The following KCTD1 variants were observed in gnomAD, a reference collection of about 807,000 sequenced individuals.
The protein encoded by KCTD1 is potassium channel tetramerization domain containing 1.
In KCTD1, 24 loss-of-function variants were observed where a neutral mutation model predicts 66.0. The ratio of observed to expected loss-of-function variants is 0.36; its 90% CI spans 0.26 to 0.51. The LOEUF (loss-of-function observed/expected upper bound fraction) is 0.51. KCTD1 is among the 20% of genes least tolerant of loss of function. The pLI is 0.95. For synonymous variants in KCTD1, 511 were observed against 517.2 expected (o/e 0.99, Z 0.16); for missense variants, 943 against 1,205.2 (o/e 0.78, Z 3.22).
intron 2 of KCTD1, among the ~76,000 whole-genome samples, chr18:26,485,580 G>A (rs1370053980): frequency 6.6e-6 from 1 of 152,196 alleles, no homozygotes; most frequent in Non-Finnish European, 1.5e-5. Flanking sequence ...ATGGCTATTT[G>A]TCTAAAATCA....
chr18:26,549,157 C>T (rs996887797), upstream of KCTD1: 3 of 985,040 alleles, frequency 3.0e-6, no homozygotes, highest in African/African-American at 5.3e-5. Context: ...CGAGGCCCCG[C>T]ACCCTCTCGG....
chr18:26,651,390 T>G (rs1475248632), intron 1 of KCTD1, among the ~76,000 whole-genome samples: 2 of 152,210 alleles, frequency 1.3e-5, no homozygotes, highest in Non-Finnish European at 2.9e-5. Context: ...GTCTTTGACT[T>G]CAGGAAACGG....
intron 3 of KCTD1, among the ~76,000 whole-genome samples, chr18:26,475,816 C>T (rs1220231522): frequency 6.6e-6 from 1 of 152,188 alleles, no homozygotes; most frequent in Non-Finnish European, 1.5e-5. Context: ...CACGCCACTG[C>T]ACTCCAGCCT....
intron 1 of KCTD1, among the ~76,000 whole-genome samples, chr18:26,649,934 G>A (rs1005420065): frequency 2.6e-5 from 4 of 152,172 alleles, no homozygotes; most frequent in Non-Finnish European, 5.9e-5. Context: ...ACCGGGTCCC[G>A]TGTTTCTTCT....
intron 1 of KCTD1, among the ~76,000 whole-genome samples, chr18:26,511,920 A>G (rs1983352881): frequency 6.6e-6 from 1 of 152,116 alleles, no homozygotes. Flanking sequence ...TGCCACAGAG[A>G]ATTGGCACTT....
intron 1 of KCTD1, among the ~76,000 whole-genome samples, chr18:26,559,122 G>C (rs1380919269): frequency 6.6e-6 from 1 of 151,986 alleles, no homozygotes; most frequent in South Asian, 2.1e-4. Context: ...GGGTGGTTGG[G>C]GGAGTGGTGG....
At chr18:26,609,376 T>A (rs2144988804) in intron 1 of KCTD1, among the ~76,000 whole-genome samples, 1 of 152,314 alleles carries the variant, frequency 6.6e-6, no homozygotes, top group South Asian at 2.1e-4. Context: ...TGCCTCACTG[T>A]CCACTGCCAC....
At chr18:26,538,450 C>A (rs1984813822) in intron 1 of KCTD1, among the ~76,000 whole-genome samples, 1 of 151,856 alleles carries the variant, frequency 6.6e-6, no homozygotes, top group African/African-American at 2.4e-5. Context: ...AGTGCAAGAG[C>A]CTGCACTGAG....
chr18:26,618,323 G>A (rs1010569545), intron 1 of KCTD1, among the ~76,000 whole-genome samples: 3 of 152,182 alleles, frequency 2.0e-5, no homozygotes, highest in Non-Finnish European at 4.4e-5. Flanking sequence ...TGGATTAGGA[G>A]ATGAATCAGC....
intron 1 of KCTD1, among the ~76,000 whole-genome samples, chr18:26,654,141 T>C (rs1272206316): frequency 6.6e-6 from 1 of 152,220 alleles, no homozygotes; most frequent in Non-Finnish European, 1.5e-5. Flanking sequence ...GTGCAAGCAA[T>C]TGTTATTGCT....
At chr18:26,610,905 G>A (rs1598965823) in intron 1 of KCTD1, among the ~76,000 whole-genome samples, 1 of 152,138 alleles carries the variant, frequency 6.6e-6, no homozygotes, top group East Asian at 1.9e-4. Context: ...CTGAGTATGA[G>A]CAATTTGACT....
intron 1 of KCTD1, among the ~76,000 whole-genome samples, chr18:26,528,331 G>A (rs1410284085): frequency 1.3e-5 from 2 of 152,116 alleles, no homozygotes; most frequent in African/African-American, 4.8e-5. Flanking sequence ...GGGGGAAGGT[G>A]AGACCACAGC....
chr18:26,469,347 C>T (rs1001529982), intron 3 of KCTD1, among the ~76,000 whole-genome samples: 1 of 152,108 alleles, frequency 6.6e-6, no homozygotes, highest in Admixed American at 6.5e-5. Context: ...GTGGGTGAGT[C>T]CTTAAGCAAA....
At chr18:26,599,601 G>A (rs1986843496) in intron 1 of KCTD1, 1 of 1,494,984 alleles carries the variant, frequency 6.7e-7, no homozygotes, top group Non-Finnish European at 9.3e-7. Context: ...ATTTTGTCGG[G>A]TTTAGTCCCG....
intron 1 of KCTD1, among the ~76,000 whole-genome samples, chr18:26,587,218 T>A (rs1165728962): frequency 2.0e-5 from 3 of 152,182 alleles, no homozygotes; most frequent in Non-Finnish European, 4.4e-5. Flanking sequence ...CTCTGAAGAA[T>A]TATGCTAAAT....
intron 3 of KCTD1, among the ~76,000 whole-genome samples, chr18:26,461,041 C>T (rs748104968): frequency 1.3e-5 from 2 of 152,236 alleles, no homozygotes; most frequent in Non-Finnish European, 2.9e-5. Flanking sequence ...CCAGTGCCTG[C>T]ATGACAGCCA....
chr18:26,645,969 C>G (rs182406642), intron 1 of KCTD1, among the ~76,000 whole-genome samples: 52 of 152,264 alleles, frequency 3.4e-4, no homozygotes, highest in African/African-American at 1.3e-3. Context: ...TTTGGGAAGG[C>G]TGATTCATAT....
chr18:26,516,552 C>T (rs754883975), intron 1 of KCTD1, among the ~76,000 whole-genome samples: 10 of 152,162 alleles, frequency 6.6e-5, no homozygotes, highest in African/African-American at 2.4e-4. Context: ...GAATGTTCAC[C>T]ACTAAATGAG....
intron 1 of KCTD1, among the ~76,000 whole-genome samples, chr18:26,620,492 G>A (rs1987356957): frequency 7.1e-6 from 1 of 140,904 alleles, no homozygotes; most frequent in Non-Finnish European, 1.5e-5. Flanking sequence ...GCTGGAGTGT[G>A]GTGGTGCAAT....
Sources: allele counts gnomAD v4.1 joint callset (sites outside exome capture counted in the v4.1 genomes callset), GRCh38; gene constraint gnomAD v4.1.1; transcripts MANE v1.5; gene names NCBI Gene and HGNC (gene_info 2026-07-23, HGNC 2026-07-21).